The following GALNTL6 variants were observed in gnomAD, a reference collection of about 807,000 sequenced individuals.
GALNTL6 encodes polypeptide N-acetylgalactosaminyltransferase-like 6.
Under a neutral mutation model 73.7 loss-of-function variants are expected in GALNTL6, and 46 were observed. The observed-to-expected ratio is 0.62, with a 90% CI of 0.49 to 0.80. The LOEUF (loss-of-function observed/expected upper bound fraction) is 0.80. Ranked by LOEUF, GALNTL6 falls within the 30% of genes least tolerant of loss-of-function variation. The pLI, the probability that GALNTL6 is intolerant of heterozygous loss-of-function variation, is 0.00. For synonymous variants in GALNTL6, 259 were observed against 263.7 expected (o/e 0.98, Z 0.17); for missense variants, 604 against 755.0 (o/e 0.80, Z 2.34).
intron 5 of GALNTL6, among the ~76,000 whole-genome samples, chr4:172,566,238 C>G (rs555639601): frequency 6.6e-6 from 1 of 152,272 alleles, no homozygotes; most frequent in East Asian, 1.9e-4. Flanking sequence ...TATCAGAATA[C>G]ACATTCTTCT....
chr4:172,079,590 A>G (rs72698980), intron 2 of GALNTL6, among the ~76,000 whole-genome samples: 3,073 of 152,214 alleles, frequency 0.02, 36 homozygotes, highest in Non-Finnish European at 0.03. Context: ...TATTATCATG[A>G]TAACTAAAAT....
intron 2 of GALNTL6, among the ~76,000 whole-genome samples, chr4:171,921,516 T>C (rs1204663278): frequency 6.6e-6 from 1 of 152,088 alleles, no homozygotes. Flanking sequence ...CACAAGATAT[T>C]ATGCCATAGG....
intron 2 of GALNTL6, among the ~76,000 whole-genome samples, chr4:172,046,202 G>A (rs1421095049): frequency 6.6e-6 from 1 of 151,962 alleles, no homozygotes; most frequent in Non-Finnish European, 1.5e-5. Context: ...GGATGATGTT[G>A]CAATAAACAT....
At chr4:171,976,369 G>A (rs185506047) in intron 2 of GALNTL6, among the ~76,000 whole-genome samples, 16 of 152,318 alleles carry the variant, frequency 1.1e-4, no homozygotes, top group South Asian at 2.1e-4. Context: ...ATAAATCAAT[G>A]TTTTCCTAAA....
chr4:172,702,943 T>TA, intron 5 of GALNTL6, among the ~76,000 whole-genome samples: 1 of 152,150 alleles, frequency 6.6e-6, no homozygotes, highest in East Asian at 1.9e-4. Context: ...TAAGTTTTTC[T>TA]ATCATTTCTA....
At chr4:171,947,640 A>C (rs333007) in intron 2 of GALNTL6, among the ~76,000 whole-genome samples, 148,964 of 152,226 alleles carry the variant, frequency 0.98, 72,970 homozygotes, top group Middle Eastern at 1. Context: ...TCTACAAAGG[A>C]CTGAAAGCTG....
intron 7 of GALNTL6, among the ~76,000 whole-genome samples, chr4:172,821,549 C>T (rs1551664): frequency 0.16 from 24,170 of 152,116 alleles, 2,186 homozygotes; most frequent in Admixed American, 0.25. Context: ...CAAACTAGAG[C>T]TGATAGGTTG....
At chr4:172,155,258 A>G (rs1271048680) in intron 2 of GALNTL6, among the ~76,000 whole-genome samples, 1 of 152,186 alleles carries the variant, frequency 6.6e-6, no homozygotes, top group African/African-American at 2.4e-5. Flanking sequence ...TCAGGCTTCC[A>G]AAGTGCTGGC....
At chr4:171,900,252 C>T (rs1384477914) in intron 2 of GALNTL6, among the ~76,000 whole-genome samples, 1 of 152,074 alleles carries the variant, frequency 6.6e-6, no homozygotes, top group Non-Finnish European at 1.5e-5. Flanking sequence ...ACAATTCACG[C>T]TAAAACTTTC....
At chr4:172,960,530 G>A (rs969373973) in intron 10 of GALNTL6, among the ~76,000 whole-genome samples, 10 of 152,156 alleles carry the variant, frequency 6.6e-5, no homozygotes, top group Non-Finnish European at 1.0e-4. Context: ...AAGACTCAGC[G>A]ACGCTTGGGG....
chr4:172,317,149 T>C (rs1283823935), intron 4 of GALNTL6, among the ~76,000 whole-genome samples: 1 of 152,236 alleles, frequency 6.6e-6, no homozygotes, highest in Admixed American at 6.5e-5. Flanking sequence ...AAGTCAGCAC[T>C]ATATGCTATT....
intron 2 of GALNTL6, among the ~76,000 whole-genome samples, chr4:172,180,093 C>T (rs529368114): frequency 6.6e-6 from 1 of 152,336 alleles, no homozygotes; most frequent in East Asian, 1.9e-4. Flanking sequence ...TTCTCCACAT[C>T]CTCTCCAGCA....
At chr4:171,991,516 C>G (rs1046267621) in intron 2 of GALNTL6, among the ~76,000 whole-genome samples, 1 of 151,678 alleles carries the variant, frequency 6.6e-6, no homozygotes, top group Non-Finnish European at 1.5e-5. Context: ...TAACAAATAT[C>G]AAGACTTTTT....
At chr4:171,978,666 A>G (rs1424585845) in intron 2 of GALNTL6, among the ~76,000 whole-genome samples, 5 of 152,202 alleles carry the variant, frequency 3.3e-5, no homozygotes, top group Non-Finnish European at 5.9e-5. Context: ...ATTCCAAGCT[A>G]GGAAAAGAAA....
At chr4:172,746,803 AT>A (rs1737132168) in intron 5 of GALNTL6, among the ~76,000 whole-genome samples, 1 of 152,090 alleles carries the variant, frequency 6.6e-6, no homozygotes, top group Admixed American at 6.6e-5. Flanking sequence ...AAGAACGCCC[AT>A]TTTCACCACT....
At chr4:171,913,858 A>G (rs1455318247) in intron 2 of GALNTL6, among the ~76,000 whole-genome samples, 1 of 152,156 alleles carries the variant, frequency 6.6e-6, no homozygotes, top group African/African-American at 2.4e-5. Flanking sequence ...TAATGATGAG[A>G]TACATACCCT....
rs370111924 is a variant in GALNTL6, at chr4:172,985,972, G to C, written c.1372-23206G>C. ...CAAAGACAGTCTGGTCCCTAATCAAGAGGAGAGGGGAGGTTGTTTGGAGAA... is the reference window on the plus strand; with the variant it reads ...CAAAGACAGTCTGGTCCCTAATCAACAGGAGAGGGGAGGTTGTTTGGAGAA... On this transcript the variant is annotated intron_variant, in intron 10 of 12. Coordinates refer to ENST00000506823, the MANE Select transcript of GALNTL6 (RefSeq NM_001034845.3). 7.2e-5 allele frequency among the ~76,000 whole-genome samples: 11 copies of C among 152,328 alleles called. No individual in the cohort carries two copies. In the East Asian group the frequency reaches 1.2e-3, roughly 16 times the overall value.
intron 7 of GALNTL6, among the ~76,000 whole-genome samples, chr4:172,849,637 G>T (rs1743707232): frequency 6.6e-6 from 1 of 152,118 alleles, no homozygotes; most frequent in Non-Finnish European, 1.5e-5. Flanking sequence ...GCCAGCTATA[G>T]TTTACAATAT....
intron 9 of GALNTL6, among the ~76,000 whole-genome samples, chr4:172,936,200 T>C (rs544734466): frequency 1.3e-5 from 2 of 152,324 alleles, no homozygotes; most frequent in Non-Finnish European, 2.9e-5. Context: ...TCTCAATATA[T>C]GCAGAAAAGG....
Sources: allele counts gnomAD v4.1 joint callset (sites outside exome capture counted in the v4.1 genomes callset), GRCh38; gene constraint gnomAD v4.1.1; transcripts MANE v1.5; gene names NCBI Gene and HGNC (gene_info 2026-07-23, HGNC 2026-07-21).